Variants in EPHB2 observed in about 807,000 individuals in gnomAD.
The protein encoded by EPHB2 is EPH receptor B2.
A neutral mutation model predicts 96.4 loss-of-function variants in EPHB2; 18 were observed. The ratio of observed to expected loss-of-function variants is 0.19; its 90% CI spans 0.13 to 0.28. The LOEUF (loss-of-function observed/expected upper bound fraction) is 0.28, where lower values mean the gene tolerates loss of function less well. Among genes scored for constraint, EPHB2 ranks in the 10% least tolerant of loss-of-function variants. The probability of loss-of-function intolerance (pLI) is 1.00; values close to 1 mark genes in which losing one functional copy is unlikely to be tolerated. For synonymous variants in EPHB2, 506 were observed against 534.1 expected (o/e 0.95, Z 0.72); for missense variants, 989 against 1,355.4 (o/e 0.73, Z 4.25).
chr1:22,872,039 A>G (rs576565281), intron 5 of EPHB2, among the ~76,000 whole-genome samples: 1 of 151,350 alleles, frequency 6.6e-6, no homozygotes, highest in East Asian at 1.9e-4. Flanking sequence ...AAAATCTAGC[A>G]TGGATCTCAT....
intron 1 of EPHB2, among the ~76,000 whole-genome samples, chr1:22,765,154 C>A (rs1644290146): frequency 6.6e-6 from 1 of 152,150 alleles, no homozygotes; most frequent in Admixed American, 6.5e-5. Flanking sequence ...GAGTGTTTGA[C>A]AGGGAGCCTT....
At chr1:22,872,070 C>T (rs1325874129) in intron 5 of EPHB2, among the ~76,000 whole-genome samples, 1 of 151,836 alleles carries the variant, frequency 6.6e-6, no homozygotes, top group Non-Finnish European at 1.5e-5. Context: ...GCAGTGTTGG[C>T]AGGATGTGTC....
At chr1:22,798,780 TAAC>T (rs1284804802) in intron 3 of EPHB2, among the ~76,000 whole-genome samples, 2 of 152,060 alleles carry the variant, frequency 1.3e-5, no homozygotes, top group Non-Finnish European at 2.9e-5. Flanking sequence ...TAGTCTCATT[TAAC>T]AACAGGTTTG....
In EPHB2 at chr1:22,858,328, G is replaced by C. The variant is rs1388127143; in HGVS notation, c.812-4709G>C. ...TATTCTAAGTGCAGTGGGGATAAAT[G>C]GTGCACGAGGGAGTTTAGACAAGAT... is the stretch of plus-strand genomic sequence containing the variant. On this transcript the variant is annotated intron_variant, in intron 3 of 15. Coordinates refer to ENST00000374630, the MANE Select transcript of EPHB2 (RefSeq NM_017449.5). The surrounding 1 kb of genome is among the most constrained non-coding windows in gnomAD (Gnocchi z 7.7). 1.3e-5 allele frequency among the ~76,000 whole-genome samples: 2 copies of C among 152,128 alleles called. No individual in the cohort carries two copies. The highest frequency in any genetic ancestry group is 6.5e-5 in the Admixed American group (1 of 15,284).
chr1:22,807,783 T>G, intron 3 of EPHB2, among the ~76,000 whole-genome samples: 1 of 152,138 alleles, frequency 6.6e-6, no homozygotes, highest in East Asian at 1.9e-4. Context: ...GGTGAATGGT[T>G]CTCAAAGAGG....
chr1:22,775,160 G>A, intron 1 of EPHB2: 1 of 779,328 alleles, frequency 1.3e-6, no homozygotes, highest in Non-Finnish European at 2.4e-6. Flanking sequence ...TAAGGCTATG[G>A]CCATGGCATC....
chr1:22,756,614 G>C (rs1335729681), intron 1 of EPHB2, among the ~76,000 whole-genome samples: 1 of 152,176 alleles, frequency 6.6e-6, no homozygotes, highest in Non-Finnish European at 1.5e-5. Flanking sequence ...AGGCAGCCCT[G>C]GTGGGAGAGG....
chr1:22,816,009 G>A (rs1645070655), intron 3 of EPHB2, among the ~76,000 whole-genome samples: 1 of 152,162 alleles, frequency 6.6e-6, no homozygotes, highest in Admixed American at 6.5e-5. Flanking sequence ...TTCACGTGCT[G>A]TGTCACCTGG....
intron 1 of EPHB2, among the ~76,000 whole-genome samples, chr1:22,714,920 A>G (rs1255788742): frequency 6.6e-6 from 1 of 151,918 alleles, no homozygotes; most frequent in East Asian, 1.9e-4. Flanking sequence ...TTTCCATCCC[A>G]CCTGCTTTGT....
intron 1 of EPHB2, among the ~76,000 whole-genome samples, chr1:22,741,380 G>A (rs989237443): frequency 1.3e-5 from 2 of 151,856 alleles, no homozygotes; most frequent in African/African-American, 4.8e-5. Flanking sequence ...CTCCCCTGAC[G>A]ACACCTGGCT....
At chr1:22,798,405 A>G (rs545713409) in intron 3 of EPHB2, among the ~76,000 whole-genome samples, 39 of 151,892 alleles carry the variant, frequency 2.6e-4, no homozygotes, top group Middle Eastern at 3.4e-3. Context: ...TTTCCCTAAG[A>G]TCTCAAATCC....
chr1:22,865,982 C>G lies in EPHB2; in HGVS notation c.1303+770C>G, dbSNP rs12138477. On this transcript the variant is annotated intron_variant, in intron 5 of 15. Transcript: ENST00000374630. ...GGAAGTTGCCGGCCACCACAGTCTCCCCTCCACCCTGTTCTCTCTCTAGTC... is the reference window on the plus strand; with the variant it reads ...GGAAGTTGCCGGCCACCACAGTCTCGCCTCCACCCTGTTCTCTCTCTAGTC... Among the ~76,000 whole-genome samples the G allele has an allele frequency of 8.6e-4, 131 of 152,164 alleles. 1 individual carries two copies. The highest frequency in any genetic ancestry group is 6.8e-3 in the Middle Eastern group (2 of 294).
At position 22,858,108 on chromosome 1, in the gene EPHB2, G is replaced by A. The variant is rs57168661; in HGVS notation, c.812-4929G>A. On this transcript the variant is annotated intron_variant, in intron 3 of 15. Coordinates refer to ENST00000374630, the MANE Select transcript of EPHB2 (RefSeq NM_017449.5). This position sits in a 1 kb window ranked among gnomAD's most constrained non-coding sequence, Gnocchi z 7.7. ...GCATTTAAGCTGGGGTCTGAAGGAG[G>A]AAAAGGAGCCAGCGACGGGAAGAGC... Among the ~76,000 whole-genome samples the A allele has an allele frequency of 0.014, 2,161 of 152,300 alleles. 44 individuals are homozygous for A. Among genetic ancestry groups the A allele is most frequent in the African/African-American group, 0.04 (1,681 of 41,562 alleles).
Position 22,865,148 on chromosome 1 carries a change from C to T in EPHB2, c.1239C>T (p.Gly413=), listed in dbSNP as rs770353782. 25 of 1,614,092 alleles carry T rather than the reference C, an allele frequency of 1.5e-5. No individual in the cohort carries two copies. The highest frequency in any genetic ancestry group is 1.6e-4 in the Middle Eastern group (1 of 6,084). The change falls in exon 5 of 16, where the codon GGC becomes GGT. Residue 413 remains glycine, a synonymous_variant. Coordinates refer to ENST00000374630, the MANE Select transcript of EPHB2 (RefSeq NM_017449.5). ...QYTFEIQAVN[G]VTDQSPFSPQ... is the part of the protein sequence containing the mutation. Reference sequence around the variant, plus strand: ...CCTTCGAGATCCAGGCTGTGAACGGCGTTACTGACCAGAGCCCCTTCTCGC... The same window carrying T: ...CCTTCGAGATCCAGGCTGTGAACGGTGTTACTGACCAGAGCCCCTTCTCGC...
At chr1:22,734,702 A>G (rs1483933118) in intron 1 of EPHB2, among the ~76,000 whole-genome samples, 1 of 152,206 alleles carries the variant, frequency 6.6e-6, no homozygotes, top group African/African-American at 2.4e-5. Flanking sequence ...ATTTACAGGC[A>G]TGAGCTACCA....
At chr1:22,711,182 G>A (rs1643127951) in intron 1 of EPHB2, 139 bp downstream of exon 1, 1 of 146,420 alleles carries the variant, frequency 6.8e-6, no homozygotes, top group African/African-American at 2.5e-5. Context: ...GCGGGGAGGT[G>A]TGTCCGGCCG....
Position 22,814,737 on chromosome 1 carries a change from G to A in EPHB2, c.811+29661G>A, listed in dbSNP as rs571558963. ...GTGGGCCTGAGGTAGGGCCCAGGGA[G>A]GCGGGGAAGAAGCATGGGCTCCGAG... On this transcript the variant is annotated intron_variant, in intron 3 of 15. Coordinates refer to ENST00000374630, the MANE Select transcript of EPHB2 (RefSeq NM_017449.5). Among the ~76,000 whole-genome samples, 33 of 152,352 alleles carry A rather than the reference G, an allele frequency of 2.2e-4. 1 individual carries two copies. The highest frequency in any genetic ancestry group is 6.7e-4 in the African/African-American group (28 of 41,584).
rs1201737777 is a variant in EPHB2 at position 22,712,549 on chromosome 1, G to A, written c.61+1506G>A. Among the ~76,000 whole-genome samples, 3 of 152,064 alleles carry A rather than the reference G, an allele frequency of 2.0e-5. No individual in the cohort carries two copies. In the East Asian group the frequency reaches 5.8e-4, roughly 29 times the overall value. Reference sequence around the variant, plus strand: ...TGCTACAACTTCAGTTTCTCTTTCGGTAATGAGCACTTTAGTGACCGCAGT... The same window carrying A: ...TGCTACAACTTCAGTTTCTCTTTCGATAATGAGCACTTTAGTGACCGCAGT... On this transcript the variant is annotated intron_variant, in intron 1 of 15. Transcript: ENST00000374630.
intron 3 of EPHB2, among the ~76,000 whole-genome samples, chr1:22,857,448 G>A (rs1645717648): frequency 6.6e-6 from 1 of 152,036 alleles, no homozygotes; most frequent in Admixed American, 6.6e-5. Flanking sequence ...TCGGGCAAAG[G>A]GACCAGCATA....
Sources: allele counts gnomAD v4.1 joint callset (sites outside exome capture counted in the v4.1 genomes callset), GRCh38; gene constraint gnomAD v4.1.1; non-coding constraint Gnocchi (gnomAD v3.1); transcripts MANE v1.5; gene names NCBI Gene and HGNC (gene_info 2026-07-23, HGNC 2026-07-21).